KIAA0825: variants seen among roughly 807,000 people sequenced by gnomAD.
KIAA0825 encodes uncharacterized protein KIAA0825.
KIAA0825 carries 119 observed loss-of-function variants against 147.6 expected under a neutral mutation model. The observed-to-expected ratio is 0.81, with a 90% CI of 0.69 to 0.94. KIAA0825 has a LOEUF of 0.94. KIAA0825 is among the 40% of genes least tolerant of loss of function. The probability of loss-of-function intolerance (pLI) is 0.00; values close to 1 mark genes in which losing one functional copy is unlikely to be tolerated. For synonymous variants in KIAA0825, 470 were observed against 518.1 expected, an observed-to-expected ratio of 0.91 and a Z score of 1.26; for missense variants, 1,381 against 1,472.7, an observed-to-expected ratio of 0.94 and a Z score of 1.02.
intron 2 of KIAA0825, chr5:94,569,371 C>T (rs187417291): frequency 3.7e-5 from 14 of 378,616 alleles, no homozygotes; most frequent in African/African-American, 2.9e-4. Flanking sequence ...CACTAACAAT[C>T]AACACTAAGC....
intron 3 of KIAA0825, among the ~76,000 whole-genome samples, chr5:94,526,684 C>G (rs2151257929): frequency 6.6e-6 from 1 of 152,088 alleles, no homozygotes; most frequent in African/African-American, 2.4e-5. Flanking sequence ...GATTCCCTGA[C>G]TGTAAAAATT....
chr5:94,460,563 C>T (rs1327307787), intron 12 of KIAA0825, among the ~76,000 whole-genome samples: 1 of 152,050 alleles, frequency 6.6e-6, no homozygotes. Context: ...ATATTATTAA[C>T]ATCTGATTGC....
intron 20 of KIAA0825, among the ~76,000 whole-genome samples, chr5:94,283,120 CT>C (rs562915291): frequency 2.0e-5 from 3 of 151,998 alleles, no homozygotes; most frequent in Non-Finnish European, 4.4e-5. Context: ...AATTCAGAGA[CT>C]TTATATTTAA....
chr5:94,369,233 C>A (rs1439331802), intron 20 of KIAA0825, among the ~76,000 whole-genome samples: 1 of 152,054 alleles, frequency 6.6e-6, no homozygotes, highest in Admixed American at 6.6e-5. Flanking sequence ...TTGTGTGGAA[C>A]AATTAAGGCT....
Position 94,391,516 on chromosome 5 carries a change from A to C in KIAA0825, c.3456+19T>G. ...GCCAGTACACACCTAATTGCTCGAT[A>C]AAAAGGCCGTTTCCCTACCTCATTG... On this transcript the variant is annotated intron_variant, in intron 18 of 20. Coordinates refer to ENST00000682413, the MANE Select transcript of KIAA0825 (RefSeq NM_001145678.3). 1 of 1,551,334 alleles carries C rather than the reference A, an allele frequency of 6.4e-7. No individual in the cohort carries two copies. The highest frequency in any genetic ancestry group is 2.4e-5 in the East Asian group (1 of 40,910).
intron 3 of KIAA0825, among the ~76,000 whole-genome samples, chr5:94,536,215 C>T (rs1475052722): frequency 6.6e-6 from 1 of 152,016 alleles, no homozygotes; most frequent in Non-Finnish European, 1.5e-5. Flanking sequence ...TCACGTAAAG[C>T]AGAAGGAAAA....
chr5:94,238,883 C>A (rs77773088), intron 20 of KIAA0825, among the ~76,000 whole-genome samples: 1 of 152,130 alleles, frequency 6.6e-6, no homozygotes, highest in Admixed American at 6.5e-5. Flanking sequence ...AATTCTATAA[C>A]TAGATTTATC....
At chr5:94,210,567 T>C (rs559632381) in intron 20 of KIAA0825, among the ~76,000 whole-genome samples, 4 of 152,292 alleles carry the variant, frequency 2.6e-5, no homozygotes, top group African/African-American at 9.6e-5. Flanking sequence ...ATAGAGGTGG[T>C]AATTGTGTCA....
At chr5:94,317,226 C>G (rs1246592545) in intron 20 of KIAA0825, among the ~76,000 whole-genome samples, 1 of 151,818 alleles carries the variant, frequency 6.6e-6, no homozygotes, top group East Asian at 1.9e-4. Flanking sequence ...AAGGTCTGAG[C>G]CATTTCCCTG....
In KIAA0825 at chr5:94,520,592, A is replaced by T. The variant is rs896604968; in HGVS notation, c.626T>A (p.Ile209Lys). Residue 209 changes from isoleucine to lysine, a missense_variant, in exon 5 of 21, where the codon ATA becomes AAA. Transcript: ENST00000682413. ...LLFLYPESEV[I>K]IKYQNIQNKL... is the part of the protein sequence containing the mutation. ...ATTCTGTATGTTTTGGTATTTGATT[A>T]TAACTTCTGATTCTGGATAAAGAAA... 6.2e-7 allele frequency: 1 copy of T among 1,613,340 alleles called. No homozygotes were observed. Among genetic ancestry groups the T allele is most frequent in the Non-Finnish European group, 8.5e-7 (1 of 1,179,568 alleles).
intron 20 of KIAA0825, among the ~76,000 whole-genome samples, chr5:94,159,026 G>T (rs6860390): frequency 0.73 from 111,590 of 152,040 alleles, 42,220 homozygotes; most frequent in South Asian, 0.85. Flanking sequence ...GAATGCAGAG[G>T]TGGGTGATTG....
intron 1 of KIAA0825, among the ~76,000 whole-genome samples, chr5:94,588,066 G>C (rs544101754): frequency 2.0e-5 from 3 of 152,266 alleles, no homozygotes; most frequent in Non-Finnish European, 2.9e-5. Flanking sequence ...AGACTTAAAT[G>C]TAAGACCTAA....
rs530720025 is a variant in KIAA0825, at chr5:94,338,252, T to C, written c.3710+46116A>G. On this transcript the variant is annotated intron_variant, in intron 20 of 20. Transcript: ENST00000682413. ...ATCTAACAGTATTTTTTATGCAGTA[T>C]ATATGCTACAGTATTTTGGGCTTTT... Among the ~76,000 whole-genome samples the C allele has an allele frequency of 2.0e-5, 3 of 151,674 alleles. No homozygotes were observed. The East Asian group carries it at 5.8e-4, about 29-fold the overall frequency.
At chr5:94,493,633 C>T (rs1763985952) in intron 5 of KIAA0825, among the ~76,000 whole-genome samples, 1 of 152,118 alleles carries the variant, frequency 6.6e-6, no homozygotes, top group Non-Finnish European at 1.5e-5. Context: ...GGACTACAGG[C>T]ATCTGCCACC....
At chr5:94,166,615 C>T (rs1583721663) in intron 20 of KIAA0825, among the ~76,000 whole-genome samples, 1 of 146,918 alleles carries the variant, frequency 6.8e-6, no homozygotes, top group Non-Finnish European at 1.5e-5. Context: ...TCACGCCATT[C>T]TCCTGCCTCA....
At chr5:94,393,924 C>T (rs1473521469) in intron 17 of KIAA0825, among the ~76,000 whole-genome samples, 11 of 151,504 alleles carry the variant, frequency 7.3e-5, no homozygotes, top group Admixed American at 5.9e-4. Context: ...TCTCGGCTCA[C>T]GGCAACCTCC....
intron 13 of KIAA0825, among the ~76,000 whole-genome samples, chr5:94,446,916 A>G (rs1342056748): frequency 6.6e-6 from 1 of 152,098 alleles, no homozygotes; most frequent in Non-Finnish European, 1.5e-5. Flanking sequence ...ACTAAGGTGA[A>G]ACTGGTACTA....
At chr5:94,204,533 T>C (rs1436578349) in intron 20 of KIAA0825, among the ~76,000 whole-genome samples, 1 of 152,194 alleles carries the variant, frequency 6.6e-6, no homozygotes, top group Admixed American at 6.5e-5. Flanking sequence ...CAAGTTAAAT[T>C]GTAAACTATT....
Position 94,471,640 on chromosome 5 carries a change from A to G in KIAA0825, c.1547T>C (p.Leu516Ser). ...DDSFQEIRAN[L>S]VEACCKVATA... ...TGCCACTTTACAACAGGCCTCCACCAAGTTTGCTCTAATTTCCTGAAAAGA... is the reference window on the plus strand; with the variant it reads ...TGCCACTTTACAACAGGCCTCCACCGAGTTTGCTCTAATTTCCTGAAAAGA... Residue 516 changes from leucine (L) to serine (S), a missense_variant, in exon 9 of 21, where the codon TTG (leucine) becomes TCG (serine). Physicochemically the swap from Leu to Ser is moderately radical, Grantham distance 145. Transcript: ENST00000682413. 1 of 1,552,098 alleles carries G rather than the reference A, an allele frequency of 6.4e-7. No individual in the cohort carries two copies. The highest frequency in any genetic ancestry group is 8.7e-7 in the Non-Finnish European group (1 of 1,147,092).
Sources: gnomAD v4.1 joint callset for allele counts (sites outside exome capture counted in the v4.1 genomes callset) on GRCh38, gnomAD v4.1.1 for gene constraint, MANE v1.5 for transcripts, NCBI Gene and HGNC (gene_info 2026-07-23, HGNC 2026-07-21) for gene names.